OLA1: variants seen among roughly 807,000 people sequenced by gnomAD.
OLA1 encodes Obg like ATPase 1.
Under a neutral mutation model 48.4 loss-of-function variants are expected in OLA1, and 14 were observed. The ratio of observed to expected loss-of-function variants is 0.29; its 90% CI spans 0.19 to 0.45. OLA1 has a LOEUF of 0.45. OLA1 is among the 20% of genes least tolerant of loss of function. The probability of loss-of-function intolerance (pLI) is 1.00; values close to 1 mark genes in which losing one functional copy is unlikely to be tolerated. For synonymous variants in OLA1, 127 were observed against 150.4 expected, an observed-to-expected ratio of 0.84 and a Z score of 1.14; for missense variants, 325 against 467.1, an observed-to-expected ratio of 0.70 and a Z score of 2.80.
At chr2:174,145,320 CAGAGTTTCT>C (rs1252972435) in intron 4 of OLA1, among the ~76,000 whole-genome samples, 1 of 151,988 alleles carries the variant, frequency 6.6e-6, no homozygotes, top group Middle Eastern at 3.2e-3. Flanking sequence ...TTAAAATAAA[CAGAGTTTCT>C]AGGGTTTTTT....
chr2:174,213,860 T>A (rs1037074387), intron 4 of OLA1, among the ~76,000 whole-genome samples: 1 of 152,148 alleles, frequency 6.6e-6, no homozygotes, highest in African/African-American at 2.4e-5. Flanking sequence ...TGTAATTTTT[T>A]AAAAGTACAT....
chr2:174,179,508 C>T (rs563786268), intron 4 of OLA1, among the ~76,000 whole-genome samples: 51 of 151,820 alleles, frequency 3.4e-4, no homozygotes, highest in Non-Finnish European at 5.0e-4. Flanking sequence ...TCAACAGTTA[C>T]GGAACCTGTA....
At chr2:174,089,356 A>T (rs1472994143) in intron 7 of OLA1, among the ~76,000 whole-genome samples, 1 of 152,246 alleles carries the variant, frequency 6.6e-6, no homozygotes, top group African/African-American at 2.4e-5. Context: ...AACTGAAAGT[A>T]CAAAAATGTC....
chr2:174,223,172 A>C lies in OLA1; in HGVS notation c.246-12T>G. ...AGGCAGGAATTTTGCTGAAAAACAA[A>C]AGATGGCTTTATTATAAAACAGTAC... On this transcript the variant is annotated splice_polypyrimidine_tract_variant and intron_variant, in intron 3 of 10. Coordinates refer to ENST00000284719, the MANE Select transcript of OLA1 (RefSeq NM_013341.5). 6.2e-7 allele frequency: 1 copy of C among 1,612,936 alleles called. No individual in the cohort carries two copies. The highest frequency in any genetic ancestry group is 8.5e-7 in the Non-Finnish European group (1 of 1,179,294).
At chr2:174,123,541 C>G (rs1307132557) in intron 6 of OLA1, 54 bp downstream of exon 6, 5 of 1,052,942 alleles carry the variant, frequency 4.7e-6, no homozygotes, top group African/African-American at 1.6e-5. Flanking sequence ...CTAATTTGTT[C>G]CCTAGCAAAT....
intron 4 of OLA1, among the ~76,000 whole-genome samples, chr2:174,145,920 T>C (rs537683644): frequency 1.3e-5 from 2 of 152,304 alleles, no homozygotes; most frequent in South Asian, 2.1e-4. Flanking sequence ...GGCAATATGA[T>C]AGAGCACGTA....
At chr2:174,162,120 T>C (rs548952976) in intron 4 of OLA1, among the ~76,000 whole-genome samples, 1 of 152,196 alleles carries the variant, frequency 6.6e-6, no homozygotes, top group African/African-American at 2.4e-5. Context: ...AAAACTTAGC[T>C]AGAGGTACAG....
chr2:174,198,995 C>T (rs1262347858), intron 4 of OLA1, among the ~76,000 whole-genome samples: 2 of 152,140 alleles, frequency 1.3e-5, no homozygotes, highest in African/African-American at 2.4e-5. Flanking sequence ...CCAGTTTCAC[C>T]TAAGGCAGTC....
intron 4 of OLA1, among the ~76,000 whole-genome samples, chr2:174,166,137 A>T (rs1687158753): frequency 7.0e-6 from 1 of 143,352 alleles, no homozygotes; most frequent in Non-Finnish European, 1.5e-5. Context: ...AAAAAAAAAA[A>T]ACCTCAAATG....
At chr2:174,101,189 GTTA>G (rs1388892911) in intron 7 of OLA1, among the ~76,000 whole-genome samples, 2 of 152,122 alleles carry the variant, frequency 1.3e-5, no homozygotes, top group Non-Finnish European at 2.9e-5. Context: ...ACTTGGTGGT[GTTA>G]TTTTCATTTT....
chr2:174,092,608 G>T (rs1158911985), intron 7 of OLA1, among the ~76,000 whole-genome samples: 1 of 152,148 alleles, frequency 6.6e-6, no homozygotes, highest in Non-Finnish European at 1.5e-5. Context: ...GTTGTGGTGA[G>T]CTGTGATCGC....
Position 174,141,837 on chromosome 2 carries a change from T to C in OLA1, c.537A>G (p.Leu179=). The part of the protein sequence containing the change: ...KVAVRGGDKK[L]KPEYDIMCKV... Reference sequence around the variant, plus strand: ...AATTTTTACTTACATATTCAGGTTTTAGTTTTTTATCTCCTCCTCTCACAG... The same window carrying C: ...AATTTTTACTTACATATTCAGGTTTCAGTTTTTTATCTCCTCCTCTCACAG... The change falls in exon 5 of 11, where the codon CTA becomes CTG. Residue 179 remains leucine, a synonymous_variant. Transcript: ENST00000284719. 2 of 1,599,796 alleles carry C rather than the reference T, an allele frequency of 1.3e-6. No individual in the cohort carries two copies. The highest frequency in any genetic ancestry group is 1.4e-5 in the African/African-American group (1 of 73,990).
intron 7 of OLA1, among the ~76,000 whole-genome samples, chr2:174,111,145 C>T (rs1685638448): frequency 1.3e-5 from 2 of 152,124 alleles, no homozygotes; most frequent in African/African-American, 4.8e-5. Context: ...AAAATCATTA[C>T]TCTCTCTGAC....
At chr2:174,188,575 T>C (rs1003522585) in intron 4 of OLA1, among the ~76,000 whole-genome samples, 4 of 152,140 alleles carry the variant, frequency 2.6e-5, no homozygotes, top group African/African-American at 9.7e-5. Context: ...TTATATTTAC[T>C]GTTAAGTACT....
chr2:174,076,278 G>A (rs1443203105), intron 10 of OLA1, among the ~76,000 whole-genome samples: 1 of 152,100 alleles, frequency 6.6e-6, no homozygotes, highest in Non-Finnish European at 1.5e-5. Flanking sequence ...CAGAAAACCA[G>A]GTTTAGTCCA....
At chr2:174,246,979 C>G (rs1689139461) in intron 1 of OLA1, 164 bp from the exon 2 acceptor site, 1 of 434,276 alleles carries the variant, frequency 2.3e-6, no homozygotes, top group South Asian at 5.9e-5. Context: ...TTTTTTTCAG[C>G]AAAAATGTTT....
chr2:174,156,736 C>A (rs1686893232), intron 4 of OLA1, among the ~76,000 whole-genome samples: 1 of 151,864 alleles, frequency 6.6e-6, no homozygotes, highest in African/African-American at 2.4e-5. Flanking sequence ...AGGCGCCCAC[C>A]ACCACACCCA....
intron 7 of OLA1, among the ~76,000 whole-genome samples, chr2:174,113,073 T>A (rs1057450058): frequency 6.6e-6 from 1 of 152,128 alleles, no homozygotes; most frequent in Non-Finnish European, 1.5e-5. Context: ...CCCGAGTAGC[T>A]GGGATTACAG....
At chr2:174,075,565 T>G in intron 10 of OLA1, 38 bp from the exon 11 acceptor site, 2 of 1,267,876 alleles carry the variant, frequency 1.6e-6, no homozygotes, top group South Asian at 2.4e-5. Context: ...GGTTATTAGT[T>G]TACAACTAAA....
Sources: allele counts gnomAD v4.1 joint callset (sites outside exome capture counted in the v4.1 genomes callset), GRCh38; gene constraint gnomAD v4.1.1; transcripts MANE v1.5; gene names NCBI Gene and HGNC (gene_info 2026-07-23, HGNC 2026-07-21).